Variants in RANBP1 observed in about 807,000 individuals in gnomAD.
The protein encoded by RANBP1 is RAN binding protein 1.
RANBP1 carries 16 observed loss-of-function variants against 31.4 expected under a neutral mutation model. The observed-to-expected ratio is 0.51, with a 90% CI of 0.34 to 0.77. RANBP1 has a LOEUF of 0.77. Among genes scored for constraint, RANBP1 ranks in the 30% least tolerant of loss-of-function variants. The pLI is 0.01. For synonymous variants in RANBP1, 129 were observed against 140.5 expected, an observed-to-expected ratio of 0.92 and a Z score of 0.58; for missense variants, 265 against 362.0, an observed-to-expected ratio of 0.73 and a Z score of 2.17.
At chr22:20,126,552 G>A (rs763265048) in intron 5 of RANBP1, 184 bp downstream of exon 5, 26 of 1,565,182 alleles carry the variant, frequency 1.7e-5, no homozygotes, top group Non-Finnish European at 2.3e-5. Flanking sequence ...CTGAGCACTT[G>A]TCAGTGTTGC....
intron 5 of RANBP1, 96 bp downstream of exon 5, chr22:20,126,464 C>T: frequency 6.2e-7 from 1 of 1,606,386 alleles, no homozygotes; most frequent in Non-Finnish European, 8.5e-7. Context: ...GCCAGATAAA[C>T]ATTCCAGGGT....
Position 20,116,373 on chromosome 22 carries a change from G to A in RANBP1, c.189G>A (p.Thr63=), listed in dbSNP as rs750291857. Residue 63 remains threonine (T), a synonymous_variant, in exon 1 of 6, where the codon ACG becomes ACA. Coordinates refer to ENST00000430524, the MANE Select transcript of RANBP1 (RefSeq NM_001278639.2). ...CAAAGCGGCCCAGGAAGCGCCGGAC[G>A]TCGCTGAAGCTGGCGTGGCGAGGCA... is the stretch of plus-strand genomic sequence containing the variant. ...CRPKRPRKRR[T]SLKLAWRGTF... The A allele has an allele frequency of 5.6e-6, 9 of 1,612,306 alleles. No homozygotes were observed. Among genetic ancestry groups the A allele is most frequent in the Admixed American group, 1.7e-5 (1 of 60,020 alleles).
rs1032433125 is a variant in RANBP1 at position 20,122,491 on chromosome 22, G to A, written c.541+70G>A. The A allele has an allele frequency of 6.2e-6, 10 of 1,608,156 alleles. No homozygotes were observed. In the African/African-American group the frequency reaches 1.3e-4, roughly 22 times the overall value. On this transcript the variant is annotated intron_variant, in intron 3 of 5. Transcript: ENST00000430524. ...CCTGGGACCTTTGGGAAGATTCAGG[G>A]CTGATTGGGAACTGGGGAGCGTGTT...
intron 1 of RANBP1, chr22:20,117,146 G>A (rs1284775485): frequency 1.4e-5 from 8 of 564,618 alleles, no homozygotes; most frequent in Admixed American, 4.0e-5. Flanking sequence ...CCGCCCGCCC[G>A]CCAGGGGCCC....
In RANBP1 at chr22:20,126,932, T is replaced by G. The variant is rs2050313203; in HGVS notation, c.737-20T>G. Reference sequence around the variant, plus strand: ...ATGCACCGTGCTTCTGTTTTCTCACTGTGCTGCTTGTGTTTTTAGCAGGAT... The same window carrying G: ...ATGCACCGTGCTTCTGTTTTCTCACGGTGCTGCTTGTGTTTTTAGCAGGAT... On this transcript the variant is annotated intron_variant, in intron 5 of 5. Transcript: ENST00000430524. The G allele has an allele frequency of 6.2e-7, 1 of 1,609,066 alleles. No individual in the cohort carries two copies. The highest frequency in any genetic ancestry group is 8.5e-7 in the Non-Finnish European group (1 of 1,177,774).
intron 1 of RANBP1, chr22:20,117,149 A>C (rs2050052581): frequency 3.5e-6 from 2 of 564,218 alleles, no homozygotes; most frequent in Non-Finnish European, 2.9e-6. Context: ...CCCGCCCGCC[A>C]GGGGCCCGCG....
rs1340617908 is a variant in RANBP1, at chr22:20,116,119, G to A, written c.-66G>A. The A allele has an allele frequency of 1.2e-6, 2 of 1,612,430 alleles. No individual in the cohort carries two copies. The highest frequency in any genetic ancestry group is 1.3e-5 in the African/African-American group (1 of 74,950). ...AGCATAGGGCACTGTCCATAGAGGG[G>A]TCACCACGTCGGCCACTCGTGTTAC... On this transcript the variant is annotated 5_prime_UTR_variant, in exon 1 of 6. Transcript: ENST00000430524.
chr22:20,126,450 GTC>G (rs1214120382), intron 5 of RANBP1, 82 bp downstream of exon 5: 1 of 1,609,170 alleles, frequency 6.2e-7, no homozygotes, highest in African/African-American at 1.3e-5. Flanking sequence ...TGCTTTTTCT[GTC>G]TGCCAGATAA....
intron 2 of RANBP1, among the ~76,000 whole-genome samples, chr22:20,120,321 T>C (rs1358054169): frequency 6.6e-6 from 1 of 152,076 alleles, no homozygotes; most frequent in Non-Finnish European, 1.5e-5. Flanking sequence ...TGCTGATGCA[T>C]TGCCGTAGCC....
rs528693112 is a variant in RANBP1 at position 20,119,956 on chromosome 22, C to A, written c.383+807C>A. Reference sequence around the variant, plus strand: ...GCTGGCTACAGTGGTGGGTACCAGCCTTGTGTCTTGTGACAGTGTCACAGC... The same window carrying A: ...GCTGGCTACAGTGGTGGGTACCAGCATTGTGTCTTGTGACAGTGTCACAGC... On this transcript the variant is annotated intron_variant, in intron 2 of 5. Coordinates refer to ENST00000430524, the MANE Select transcript of RANBP1 (RefSeq NM_001278639.2). Among the ~76,000 whole-genome samples the A allele has an allele frequency of 2.6e-5, 4 of 152,244 alleles. No homozygotes were observed. In the East Asian group the frequency reaches 7.7e-4, roughly 29 times the overall value.
intron 3 of RANBP1, chr22:20,122,734 T>C (rs1196846486): frequency 1.0e-6 from 1 of 1,002,722 alleles, no homozygotes; most frequent in Admixed American, 5.9e-5. Flanking sequence ...TGTGTGTGTG[T>C]GTGTGTGTGT....
At chr22:20,118,529 A>G (rs891394610) in intron 1 of RANBP1, among the ~76,000 whole-genome samples, 3 of 152,274 alleles carry the variant, frequency 2.0e-5, no homozygotes, top group Non-Finnish European at 4.4e-5. Flanking sequence ...CAAGAGCACA[A>G]CTATTTCCTA....
chr22:20,117,594 G>A, intron 1 of RANBP1: 1 of 1,400,320 alleles, frequency 7.1e-7, no homozygotes. Flanking sequence ...GCCGCCGAGA[G>A]GCCGCGGAGC....
intron 2 of RANBP1, among the ~76,000 whole-genome samples, chr22:20,121,017 G>C (rs764161926): frequency 1.2e-4 from 18 of 152,168 alleles, no homozygotes; most frequent in Non-Finnish European, 2.2e-4. Flanking sequence ...GCAGTGGCGC[G>C]ATCTTGGCTC....
intron 1 of RANBP1, chr22:20,116,753 C>A: frequency 7.1e-7 from 1 of 1,413,664 alleles, no homozygotes; most frequent in East Asian, 2.5e-5. Context: ...CCCTCCCGAC[C>A]CCATTCCCGT....
intron 1 of RANBP1, chr22:20,117,287 C>T (rs1358952023): frequency 1.3e-6 from 1 of 790,462 alleles, no homozygotes; most frequent in Non-Finnish European, 1.7e-6. Flanking sequence ...CCACTTTAGC[C>T]AGCTCTAGAG....
chr22:20,118,446 A>G (rs2050097780), intron 1 of RANBP1: 1 of 797,386 alleles, frequency 1.3e-6, no homozygotes, highest in South Asian at 5.8e-5. Context: ...GAACTGTGAA[A>G]AAATTGCTGG....
At chr22:20,117,327 G>C in intron 1 of RANBP1, 1 of 1,100,972 alleles carries the variant, frequency 9.1e-7, no homozygotes, top group South Asian at 3.0e-5. Flanking sequence ...AAGTGCGCGC[G>C]GGTGTCGCCG....
At chr22:20,116,541 G>C in intron 1 of RANBP1, 111 bp downstream of exon 1, 1 of 1,600,942 alleles carries the variant, frequency 6.2e-7, no homozygotes. Context: ...GGGCTGCAGG[G>C]GGCACCGAGA....
Sources: allele counts gnomAD v4.1 joint callset (sites outside exome capture counted in the v4.1 genomes callset), GRCh38; gene constraint gnomAD v4.1.1; transcripts MANE v1.5; gene names NCBI Gene and HGNC (gene_info 2026-07-23, HGNC 2026-07-21).